SV2C: variants seen among roughly 807,000 people sequenced by gnomAD.
The protein encoded by SV2C is synaptic vesicle glycoprotein 2C.
In SV2C, 49 loss-of-function variants were observed where a neutral mutation model predicts 79.7. The ratio of observed to expected loss-of-function variants is 0.61; its 90% CI spans 0.49 to 0.78. The LOEUF (loss-of-function observed/expected upper bound fraction) is 0.78, where lower values mean the gene tolerates loss of function less well. SV2C is among the 30% of genes least tolerant of loss of function. The probability of loss-of-function intolerance (pLI) is 0.00; values close to 1 mark genes in which losing one functional copy is unlikely to be tolerated. For missense variants in SV2C, 833 were observed against 912.9 expected (o/e 0.91, Z 1.13); for synonymous variants, 334 against 333.2 (o/e 1.00, Z -0.03).
chr5:76,011,039 C>T, the SV2C span, among the ~76,000 whole-genome samples: 5 of 152,270 alleles, frequency 3.3e-5, no homozygotes, highest in South Asian at 1.0e-3. Context: ...CCCTCTTCCA[C>T]ACCCACCAAT....
intron 1 of SV2C, among the ~76,000 whole-genome samples, chr5:76,085,773 G>C (rs1747168364): frequency 1.3e-5 from 2 of 149,538 alleles, no homozygotes; most frequent in South Asian, 4.3e-4. Context: ...GAGAGCTTTG[G>C]CTTTGGAAAT....
intron 4 of SV2C, among the ~76,000 whole-genome samples, chr5:76,280,346 C>G (rs1313434159): frequency 6.6e-6 from 1 of 151,276 alleles, no homozygotes; most frequent in African/African-American, 2.4e-5. Context: ...GGCTAAACTT[C>G]AGCTGTTCAA....
Position 76,132,320 on chromosome 5 carries a change from T to G in SV2C, c.570T>G (p.Ser190=). The change falls in exon 2 of 13, where the codon TCT becomes TCG. Residue 190 remains serine, a synonymous_variant. Coordinates refer to ENST00000502798, the MANE Select transcript of SV2C (RefSeq NM_014979.4). Reference sequence around the variant, plus strand: ...ACCTCTGCATCCCAAATTCAGGATCTGGATGGCTAGGTGAGTGTGTGGTGT... The same window carrying G: ...ACCTCTGCATCCCAAATTCAGGATCGGGATGGCTAGGTGAGTGTGTGGTGT... ...ETDLCIPNSG[S]GWLGSIVYLG... The G allele has an allele frequency of 1.2e-6, 2 of 1,610,976 alleles. No homozygotes were observed. Among genetic ancestry groups the G allele is most frequent in the Non-Finnish European group, 1.7e-6 (2 of 1,177,902 alleles).
At chr5:76,027,059 CTTT>C in the SV2C span, among the ~76,000 whole-genome samples, 7 of 122,180 alleles carry the variant, frequency 5.7e-5, no homozygotes, top group African/African-American at 1.6e-4. Context: ...TTTCAGTTGT[CTTT>C]TTTTTTTTTT....
chr5:76,258,521 T>A (rs146053596), intron 4 of SV2C, among the ~76,000 whole-genome samples: 146 of 152,284 alleles, frequency 9.6e-4, no homozygotes, highest in African/African-American at 3.2e-3. Context: ...TGGAAATGAA[T>A]CCTTACAACC....
chr5:76,000,190 C>T, the SV2C span, among the ~76,000 whole-genome samples: 2 of 152,138 alleles, frequency 1.3e-5, no homozygotes, highest in African/African-American at 4.8e-5. Context: ...ATTTAGGCAT[C>T]TTTCATGAAG....
At chr5:76,306,990 A>T (rs902148761) in intron 12 of SV2C, among the ~76,000 whole-genome samples, 1 of 152,176 alleles carries the variant, frequency 6.6e-6, no homozygotes, top group Non-Finnish European at 1.5e-5. Context: ...GAGGGGGATG[A>T]TCTACAGTCT....
the SV2C span, among the ~76,000 whole-genome samples, chr5:75,856,110 A>C: frequency 6.6e-6 from 1 of 152,198 alleles, no homozygotes; most frequent in Non-Finnish European, 1.5e-5. Flanking sequence ...ATGTTGTTGC[A>C]AATAACAGGA....
At chr5:76,000,775 G>C in the SV2C span, among the ~76,000 whole-genome samples, 1 of 152,102 alleles carries the variant, frequency 6.6e-6, no homozygotes, top group African/African-American at 2.4e-5. Flanking sequence ...TGGATTTATA[G>C]TTCGGCTTCT....
chr5:75,979,754 A>C, the SV2C span, among the ~76,000 whole-genome samples: 1 of 152,170 alleles, frequency 6.6e-6, no homozygotes, highest in African/African-American at 2.4e-5. Flanking sequence ...TTATAGCACT[A>C]AATGTCCACA....
intron 4 of SV2C, among the ~76,000 whole-genome samples, chr5:76,275,953 G>T (rs1019515402): frequency 1.3e-5 from 2 of 152,162 alleles, no homozygotes; most frequent in Admixed American, 1.3e-4. Flanking sequence ...AGACAAAAAG[G>T]TGTGGTGCCA....
intron 2 of SV2C, among the ~76,000 whole-genome samples, chr5:76,190,539 A>G (rs143010457): frequency 5.3e-5 from 8 of 152,326 alleles, no homozygotes; most frequent in African/African-American, 1.7e-4. Context: ...CCAGCCATCT[A>G]GAGTCGGGGA....
chr5:76,121,219 G>GT (rs1253258109), intron 1 of SV2C, among the ~76,000 whole-genome samples: 19 of 152,002 alleles, frequency 1.2e-4, no homozygotes, highest in Non-Finnish European at 8.8e-5. Context: ...GGGGTTGTTT[G>GT]TTTTTTTCTT....
At chr5:76,141,454 C>T (rs1749246889) in intron 2 of SV2C, among the ~76,000 whole-genome samples, 1 of 152,166 alleles carries the variant, frequency 6.6e-6, no homozygotes, top group African/African-American at 2.4e-5. Context: ...CAGTCTGAGA[C>T]TCTACCTAAA....
chr5:76,019,709 A>G, the SV2C span, among the ~76,000 whole-genome samples: 437 of 152,308 alleles, frequency 2.9e-3, 3 homozygotes, highest in South Asian at 4.8e-3. Context: ...AATGAGAGAA[A>G]AAACATTAAA....
chr5:75,965,963 T>C, the SV2C span, among the ~76,000 whole-genome samples: 1 of 152,220 alleles, frequency 6.6e-6, no homozygotes, highest in South Asian at 2.1e-4. Context: ...TTTGGAGCAG[T>C]AAGAGAAGGG....
the SV2C span, among the ~76,000 whole-genome samples, chr5:75,881,382 C>T: frequency 0.012 from 1,775 of 152,216 alleles, 30 homozygotes; most frequent in African/African-American, 0.04. Context: ...GGCAAGTAAT[C>T]CATAGTGTTA....
rs1749145092 is a variant in SV2C, at chr5:76,330,504, CAGAATG to C, written c.*4961_*4966del. Reference sequence around the variant, plus strand: ...AGGACTTAAATGAGGGCAAGGAAAACAGAATGAGAGAAGACACTCTCACACTGACCC... The same window carrying C: ...AGGACTTAAATGAGGGCAAGGAAAACAGAGAAGACACTCTCACACTGACCC... On this transcript the variant is annotated 3_prime_UTR_variant, in exon 13 of 13. Coordinates refer to ENST00000502798, the MANE Select transcript of SV2C (RefSeq NM_014979.4). 1 of 151,780 alleles carries C rather than the reference CAGAATG, an allele frequency of 6.6e-6. No homozygotes were observed. Among genetic ancestry groups the C allele is most frequent in the Non-Finnish European group, 1.5e-5 (1 of 68,002 alleles). 9.4% of individuals were successfully genotyped at this position (151,780 alleles called of 1,614,324 possible).
intron 4 of SV2C, among the ~76,000 whole-genome samples, chr5:76,213,082 T>C (rs1744813317): frequency 6.6e-6 from 1 of 152,156 alleles, no homozygotes; most frequent in South Asian, 2.1e-4. Flanking sequence ...TGACAACACC[T>C]TGAGAAATAA....
Sources: allele counts gnomAD v4.1 joint callset (sites outside exome capture counted in the v4.1 genomes callset), GRCh38; gene constraint gnomAD v4.1.1; transcripts MANE v1.5; gene names NCBI Gene and HGNC (gene_info 2026-07-23, HGNC 2026-07-21).